Variants in PROKR2 observed in about 807,000 individuals in gnomAD.
PROKR2 encodes G protein-coupled receptor 73-like 1.
A neutral mutation model predicts 23.4 loss-of-function variants in PROKR2; 26 were observed. That is an observed-to-expected ratio of 1.11 (90% CI 0.81 to 1.54). The LOEUF is 1.54. Ranked by LOEUF, PROKR2 falls within the 40% of genes most tolerant of loss-of-function variation. The probability of loss-of-function intolerance (pLI) is 0.00; values close to 1 mark genes in which losing one functional copy is unlikely to be tolerated. For missense variants in PROKR2, 453 were observed against 511.5 expected (o/e 0.89, Z 1.10); for synonymous variants, 212 against 201.2 (o/e 1.05, Z -0.45).
In PROKR2 at chr20:5,314,027, C is replaced by T. The variant is rs138672528; in HGVS notation, c.343G>A (p.Val115Met). 46 of 1,614,164 alleles carry T rather than the reference C, an allele frequency of 2.8e-5. No homozygotes were observed. In the East Asian group the frequency reaches 3.8e-4, roughly 13 times the overall value. ...TGCTCCCAGGAGAGCTGCCGTACCACGTAGTAGTCCATCTCGAAGGGGCAG... is the reference window on the plus strand; with the variant it reads ...TGCTCCCAGGAGAGCTGCCGTACCATGTAGTAGTCCATCTCGAAGGGGCAG... ...ICCPFEMDYY[V>M]VRQLSWEHGH... Residue 115 changes from valine to methionine, a missense_variant, in exon 2 of 3, where the codon GTG becomes ATG. Val to Met is a conservative substitution (Grantham distance 21). Coordinates refer to ENST00000678254, the MANE Select transcript of PROKR2 (RefSeq NM_144773.4).
At chr20:5,313,236 AT>A (rs1314008569) in intron 2 of PROKR2, among the ~76,000 whole-genome samples, 2 of 152,282 alleles carry the variant, frequency 1.3e-5, no homozygotes, top group Non-Finnish European at 2.9e-5. Flanking sequence ...ACTTCTGGAA[AT>A]ATCTCATGCA....
intron 2 of PROKR2, among the ~76,000 whole-genome samples, chr20:5,304,745 A>T (rs958369658): frequency 1.3e-5 from 2 of 152,242 alleles, no homozygotes; most frequent in Non-Finnish European, 2.9e-5. Flanking sequence ...TTTATAGCTC[A>T]GTTACAGTAG....
chr20:5,313,143 ATTATG>A (rs942258370), intron 2 of PROKR2, among the ~76,000 whole-genome samples: 164 of 110,560 alleles, frequency 1.5e-3, no homozygotes, highest in African/African-American at 5.8e-3. Context: ...ATTTACAATT[ATTATG>A]TGTCAATTAA....
chr20:5,305,588 A>T (rs1276406317), intron 2 of PROKR2, among the ~76,000 whole-genome samples: 1 of 152,232 alleles, frequency 6.6e-6, no homozygotes, highest in Non-Finnish European at 1.5e-5. Context: ...AATTAAATGA[A>T]CAGGAGGATT....
rs987144855 is a variant in PROKR2 at position 5,299,639 on chromosome 20, T to G, written c.*2401A>C. ...GTGTTTGCATTTTCTTTTATTTTCC[T>G]TTTGAGATGGAATCTTGCTCTATCA... On this transcript the variant is annotated 3_prime_UTR_variant, in exon 3 of 3. Transcript: ENST00000678254. 2.6e-5 allele frequency among the ~76,000 whole-genome samples: 4 copies of G among 152,156 alleles called. No homozygotes were observed. The highest frequency in any genetic ancestry group is 7.2e-5 in the African/African-American group (3 of 41,434).
Position 5,301,928 on chromosome 20 carries a change from C to A in PROKR2, c.*112G>T. 1 of 967,950 alleles carries A rather than the reference C, an allele frequency of 1.0e-6. No individual in the cohort carries two copies. Among genetic ancestry groups the A allele is most frequent in the Non-Finnish European group, 1.5e-6 (1 of 645,754 alleles). The allele number at this position is 967,950 out of a possible 1,614,324, so 60.0% of individuals were successfully genotyped here. A position where few individuals can be genotyped will look rare whatever the true frequency, so the allele number is the denominator to read the frequency against. On this transcript the variant is annotated 3_prime_UTR_variant, in exon 3 of 3. Coordinates refer to ENST00000678254, the MANE Select transcript of PROKR2 (RefSeq NM_144773.4). ...TGCAGCATTCAGCTTCTTGAGGGCA[C>A]GGGGGAGGCATGAACACAGATGTCA...
rs932688001 is a variant in PROKR2, at chr20:5,316,710, C to G, written c.-225G>C. ...CTGGGTTCCAGCTGGAGTTGGCGCTCCGGCCCCACAGCTCTTTCCAGCGTC... is the reference window on the plus strand; with the variant it reads ...CTGGGTTCCAGCTGGAGTTGGCGCTGCGGCCCCACAGCTCTTTCCAGCGTC... On this transcript the variant is annotated 5_prime_UTR_variant, in exon 1 of 3. Coordinates refer to ENST00000678254, the MANE Select transcript of PROKR2 (RefSeq NM_144773.4). The surrounding 1 kb of genome is among the most constrained non-coding windows in gnomAD (Gnocchi z 5.0). Among the ~76,000 whole-genome samples, 2 of 152,238 alleles carry G rather than the reference C, an allele frequency of 1.3e-5. No individual in the cohort carries two copies. Among genetic ancestry groups the G allele is most frequent in the African/African-American group, 4.8e-5 (2 of 41,472 alleles).
intron 2 of PROKR2, among the ~76,000 whole-genome samples, chr20:5,313,309 C>G (rs958563394): frequency 1.2e-4 from 19 of 152,216 alleles, no homozygotes; most frequent in Admixed American, 3.3e-4. Context: ...GTCCTTTCCT[C>G]TTTTGCACAA....
chr20:5,303,789 G>T (rs986108269), intron 2 of PROKR2, among the ~76,000 whole-genome samples: 1 of 152,106 alleles, frequency 6.6e-6, no homozygotes, highest in Non-Finnish European at 1.5e-5. Flanking sequence ...GGAAATGAAC[G>T]TGTACTTCAT....
At position 5,299,521 on chromosome 20, in the gene PROKR2, G is replaced by A. The variant is rs143908822; in HGVS notation, c.*2519C>T. On this transcript the variant is annotated 3_prime_UTR_variant, in exon 3 of 3. Transcript: ENST00000678254. Reference sequence around the variant, plus strand: ...CTAAAATTGTTACTTGCTTGGCTTTGAAATGCATTATTACACAATGCATTT... The same window carrying A: ...CTAAAATTGTTACTTGCTTGGCTTTAAAATGCATTATTACACAATGCATTT... 2.0e-5 allele frequency among the ~76,000 whole-genome samples: 3 copies of A among 151,086 alleles called. No homozygotes were observed. The East Asian group carries it at 5.8e-4, about 29-fold the overall frequency.
rs564012163 is a variant in PROKR2, at chr20:5,299,919, C to T, written c.*2121G>A. Among the ~76,000 whole-genome samples the T allele has an allele frequency of 3.9e-5, 6 of 152,284 alleles. No individual in the cohort carries two copies. Among genetic ancestry groups the T allele is most frequent in the Non-Finnish European group, 5.9e-5 (4 of 68,014 alleles). ...GGATTACAGATGTGAGCCACCATGC[C>T]GGCCTGCATTTTCTGAGAGTACAAT... is the stretch of plus-strand genomic sequence containing the variant. On this transcript the variant is annotated 3_prime_UTR_variant, in exon 3 of 3. Transcript: ENST00000678254.
chr20:5,302,061 C>CACCT lies in PROKR2; in HGVS notation c.1130_1133dup (p.Asp379GlyfsTer38). 3 of 1,614,046 alleles carry CACCT rather than the reference C, an allele frequency of 1.9e-6. No homozygotes were observed. The highest frequency in any genetic ancestry group is 2.5e-6 in the Non-Finnish European group (3 of 1,179,966). ...TGGGTCACTTCAGCCTGATACAGTC[C>CACCT]ACCTCTTCTGTGGTGGGCACCCCGT... On this transcript the variant is annotated frameshift_variant, in exon 3 of 3. Coordinates refer to ENST00000678254, the MANE Select transcript of PROKR2 (RefSeq NM_144773.4). LOFTEE classifies it high-confidence loss of function.
Position 5,314,012 on chromosome 20 carries a change from A to G in PROKR2, c.358T>C (p.Ser120Pro). The G allele has an allele frequency of 6.2e-7, 1 of 1,614,210 alleles. No homozygotes were observed. The highest frequency in any genetic ancestry group is 1.3e-5 in the African/African-American group (1 of 75,044). The change falls in exon 2 of 3, where the codon TCC (serine) becomes CCC (proline). Residue 120 changes from serine to proline, a missense_variant. Ser to Pro is a moderately conservative substitution (Grantham distance 74). Coordinates refer to ENST00000678254, the MANE Select transcript of PROKR2 (RefSeq NM_144773.4). ...CAGAGCACGTGGCCATGCTCCCAGG[A>G]GAGCTGCCGTACCACGTAGTAGTCC... is the stretch of plus-strand genomic sequence containing the variant. ...EMDYYVVRQL[S>P]WEHGHVLCAS...
intron 1 of PROKR2, among the ~76,000 whole-genome samples, chr20:5,315,486 G>A (rs968064009): frequency 6.6e-6 from 1 of 152,184 alleles, no homozygotes; most frequent in Non-Finnish European, 1.5e-5. Flanking sequence ...ATAGAAAGGG[G>A]CCCTGGCTGT....
chr20:5,314,162 C>T lies in PROKR2; in HGVS notation c.208G>A (p.Gly70Ser), dbSNP rs764674615. 9.9e-6 allele frequency: 16 copies of T among 1,614,062 alleles called. No homozygotes were observed. Among genetic ancestry groups the T allele is most frequent in the Middle Eastern group, 1.6e-4 (1 of 6,084 alleles). Residue 70 changes from glycine to serine, a missense_variant, in exon 2 of 3, where the codon GGT becomes AGT. Coordinates refer to ENST00000678254, the MANE Select transcript of PROKR2 (RefSeq NM_144773.4). ...AGGGCAGCGATAAAGACAAAGTTAC[C>T]GATGCCGCAGACCAGCATGATGCCT... ...LAGIMLVCGI[G>S]NFVFIAALTR...
rs1238325520 is a variant in PROKR2, at chr20:5,314,072, A to G, written c.298T>C (p.Phe100Leu). ...GGGCAGCAGATGATGGCCACCAGGA[A>G]GTCGGAGATGGCCAGGTTGGCAATG... is the stretch of plus-strand genomic sequence containing the variant. ...LLIANLAISDFLVAIICCPFE... is the reference protein window; with the variant it reads ...LLIANLAISDLLVAIICCPFE... Residue 100 changes from phenylalanine to leucine, a missense_variant, in exon 2 of 3, where the codon TTC (phenylalanine) becomes CTC (leucine). By Grantham distance (22) the Phe-to-Leu change is conservative. Transcript: ENST00000678254. The G allele has an allele frequency of 1.2e-6, 2 of 1,614,220 alleles. No individual in the cohort carries two copies. Among genetic ancestry groups the G allele is most frequent in the Middle Eastern group, 1.6e-4 (1 of 6,062 alleles).
chr20:5,305,720 G>A (rs144533840), intron 2 of PROKR2, among the ~76,000 whole-genome samples: 2 of 152,196 alleles, frequency 1.3e-5, no homozygotes, highest in South Asian at 2.1e-4. Context: ...GTACAGGAGC[G>A]GATATTTCAA....
intron 2 of PROKR2, among the ~76,000 whole-genome samples, chr20:5,308,454 TATTTCGGCCCATCCCTTC>T (rs61565286): frequency 0.5 from 75,452 of 151,572 alleles, 18,894 homozygotes; most frequent in African/African-American, 0.57. Flanking sequence ...CCCATCCCTT[TATTTCGGCCCATCCCTTC>T]ATTTCGGCCC....
At position 5,314,297 on chromosome 20, in the gene PROKR2, A is replaced by T; in HGVS notation, c.73T>A (p.Ser25Thr). The T allele has an allele frequency of 6.2e-7, 1 of 1,614,134 alleles. No homozygotes were observed. Among genetic ancestry groups the T allele is most frequent in the Non-Finnish European group, 8.5e-7 (1 of 1,180,024 alleles). Residue 25 changes from serine to threonine, a missense_variant, in exon 2 of 3, where the codon TCC becomes ACC. Coordinates refer to ENST00000678254, the MANE Select transcript of PROKR2 (RefSeq NM_144773.4). Reference protein sequence around the residue: ...NPPQDHASSLSFNFSYGDYDL... With the variant: ...NPPQDHASSLTFNFSYGDYDL... ...TAATCACCATAACTGAAGTTAAAGG[A>T]GAGGGAGGAGGCATGGTCTTGGGGT...
Sources: gnomAD v4.1 joint callset for allele counts (sites outside exome capture counted in the v4.1 genomes callset) on GRCh38, gnomAD v4.1.1 for gene constraint, Gnocchi (gnomAD v3.1) non-coding constraint, MANE v1.5 for transcripts, NCBI Gene and HGNC (gene_info 2026-07-23, HGNC 2026-07-21) for gene names.